The following TENM3 variants were observed in gnomAD, a reference collection of about 807,000 sequenced individuals.
TENM3 encodes teneurin transmembrane protein 3, also known as teneurin-3.
A neutral mutation model predicts 255.1 loss-of-function variants in TENM3; 63 were observed. The observed-to-expected ratio is 0.25, with a 90% confidence interval of 0.20 to 0.30. The LOEUF is 0.30. Among genes scored for constraint, TENM3 ranks in the 10% least tolerant of loss-of-function variants. The pLI is 1.00. For missense variants in TENM3, 2,929 were observed against 3,461.1 expected (o/e 0.85, Z 3.86); for synonymous variants, 1,306 against 1,322.3 (o/e 0.99, Z 0.27).
At chr4:181,670,454 C>A in the TENM3 span, among the ~76,000 whole-genome samples, 1 of 152,082 alleles carries the variant, frequency 6.6e-6, no homozygotes, top group East Asian at 1.9e-4. Flanking sequence ...ATCTTGTCAT[C>A]ACTTAAAATT....
chr4:182,252,370 A>T (rs1452257559), intron 1 of TENM3, among the ~76,000 whole-genome samples: 1 of 152,194 alleles, frequency 6.6e-6, no homozygotes, highest in Non-Finnish European at 1.5e-5. Context: ...CTGCTGTGAG[A>T]GTAGAAATTG....
chr4:182,181,011 A>G (rs1258597507), intron 1 of TENM3, among the ~76,000 whole-genome samples: 1 of 152,096 alleles, frequency 6.6e-6, no homozygotes, highest in East Asian at 1.9e-4. Context: ...CTGAGAAATG[A>G]TAAGAATTCT....
At chr4:182,208,631 A>G (rs548937554) in intron 1 of TENM3, among the ~76,000 whole-genome samples, 20 of 152,308 alleles carry the variant, frequency 1.3e-4, no homozygotes, top group African/African-American at 4.8e-4. Flanking sequence ...AGCATTTCTT[A>G]TCAAAAACCA....
chr4:182,397,406 A>T (rs1333979971), intron 3 of TENM3, among the ~76,000 whole-genome samples: 5 of 126,926 alleles, frequency 3.9e-5, no homozygotes, highest in Non-Finnish European at 3.2e-5. Flanking sequence ...TCTAAAAAAA[A>T]AAAAAAAAAA....
chr4:182,288,601 G>A (rs922661494), intron 1 of TENM3, among the ~76,000 whole-genome samples: 2 of 152,178 alleles, frequency 1.3e-5, no homozygotes, highest in Non-Finnish European at 2.9e-5. Flanking sequence ...CAACTACTAC[G>A]TGGCAGGCAT....
At position 182,773,817 on chromosome 4, in the gene TENM3, A is replaced by T. The variant is rs143988039; in HGVS notation, c.5068+170A>T. On this transcript the variant is annotated intron_variant, in intron 23 of 27. Coordinates refer to ENST00000511685, the MANE Select transcript of TENM3 (RefSeq NM_001080477.4). ...GTAATATTTATTTACTTGTATAGAC[A>T]TATTTTAAAACCACATATAAGATAA... is the stretch of plus-strand genomic sequence containing the variant. 9 of 509,790 alleles carry T rather than the reference A, an allele frequency of 1.8e-5. No homozygotes were observed. The East Asian group carries it at 2.9e-4, about 16-fold the overall frequency. The allele number at this position is 509,790 out of a possible 1,614,324, so 31.6% of individuals were successfully genotyped here.
intron 1 of TENM3, among the ~76,000 whole-genome samples, chr4:182,191,825 A>C (rs1753542234): frequency 6.6e-6 from 1 of 152,194 alleles, no homozygotes; most frequent in South Asian, 2.1e-4. Flanking sequence ...GTCTTCAACT[A>C]AATCGTAACT....
intron 1 of TENM3, among the ~76,000 whole-genome samples, chr4:182,251,547 T>C (rs1758014391): frequency 6.6e-6 from 1 of 152,216 alleles, no homozygotes. Context: ...AAATTACGGC[T>C]ATGCTTTTTC....
chr4:182,192,137 C>T (rs185933860), intron 1 of TENM3, among the ~76,000 whole-genome samples: 1 of 152,116 alleles, frequency 6.6e-6, no homozygotes, highest in East Asian at 1.9e-4. Flanking sequence ...CACAAAGAGT[C>T]TGATTGGAAC....
At chr4:181,903,340 G>T in the TENM3 span, among the ~76,000 whole-genome samples, 1 of 152,138 alleles carries the variant, frequency 6.6e-6, no homozygotes, top group African/African-American at 2.4e-5. Flanking sequence ...TCACTCTACA[G>T]TTGAACAGTG....
chr4:181,795,926 C>T, the TENM3 span, among the ~76,000 whole-genome samples: 1 of 152,198 alleles, frequency 6.6e-6, no homozygotes, highest in Non-Finnish European at 1.5e-5. Flanking sequence ...ATGGGCAAAG[C>T]ACAGAAGCAG....
At chr4:182,299,016 A>G (rs55693008) in intron 1 of TENM3, among the ~76,000 whole-genome samples, 5 of 102,300 alleles carry the variant, frequency 4.9e-5, no homozygotes, top group Admixed American at 1.0e-4. Flanking sequence ...AAAAAAAAAA[A>G]GAGGTAATGG....
chr4:182,206,082 C>CT (rs1368936759), intron 1 of TENM3, among the ~76,000 whole-genome samples: 1 of 151,650 alleles, frequency 6.6e-6, no homozygotes, highest in Non-Finnish European at 1.5e-5. Flanking sequence ...ATCAGCTAAA[C>CT]TAACAGATAT....
At chr4:182,737,505 T>G (rs1761257029) in intron 17 of TENM3, among the ~76,000 whole-genome samples, 1 of 152,202 alleles carries the variant, frequency 6.6e-6, no homozygotes, top group Non-Finnish European at 1.5e-5. Context: ...TAGCAGACAT[T>G]TGTGTCCATG....
chr4:182,570,198 T>C (rs1234851160), intron 3 of TENM3, among the ~76,000 whole-genome samples: 1 of 152,134 alleles, frequency 6.6e-6, no homozygotes, highest in African/African-American at 2.4e-5. Context: ...AAGGACTGAA[T>C]TGACTGATGG....
chr4:181,839,345 GTATATATA>G, the TENM3 span, among the ~76,000 whole-genome samples: 588 of 56,660 alleles, frequency 0.01, 17 homozygotes, highest in Non-Finnish European at 0.014. Context: ...TGTATTGAGG[GTATATATA>G]TATATATATA....
At chr4:181,588,354 A>T in the TENM3 span, among the ~76,000 whole-genome samples, 1 of 152,194 alleles carries the variant, frequency 6.6e-6, no homozygotes, top group South Asian at 2.1e-4. Flanking sequence ...CACCTAAAAG[A>T]ACCTTGAGAA....
chr4:181,889,520 G>T, the TENM3 span, among the ~76,000 whole-genome samples: 1 of 152,164 alleles, frequency 6.6e-6, no homozygotes. Context: ...CACATGGTAT[G>T]CTTTTTGAGG....
chr4:182,321,630 T>TAAA (rs779537770), intron 1 of TENM3, among the ~76,000 whole-genome samples: 3 of 133,252 alleles, frequency 2.3e-5, no homozygotes, highest in Non-Finnish European at 3.2e-5. Flanking sequence ...TGTCTCAAAA[T>TAAA]AATAATAATA....
Sources: gnomAD v4.1 joint callset for allele counts (sites outside exome capture counted in the v4.1 genomes callset) on GRCh38, gnomAD v4.1.1 for gene constraint, MANE v1.5 for transcripts, NCBI Gene and HGNC (gene_info 2026-07-23, HGNC 2026-07-21) for gene names.